The following SMAD2 variants were observed in gnomAD, a reference collection of about 807,000 sequenced individuals.
SMAD2 encodes the protein MAD homolog 2.
A neutral mutation model predicts 64.4 loss-of-function variants in SMAD2; 8 were observed. That is an observed-to-expected ratio of 0.12 (90% CI 0.07 to 0.22). SMAD2 has a LOEUF of 0.22. Ranked by LOEUF, SMAD2 falls within the 10% of genes least tolerant of loss-of-function variation. The pLI, the probability that SMAD2 is intolerant of heterozygous loss-of-function variation, is 1.00. For synonymous variants in SMAD2, 203 were observed against 195.8 expected, an observed-to-expected ratio of 1.04 and a Z score of -0.31; for missense variants, 289 against 561.2, an observed-to-expected ratio of 0.51 and a Z score of 4.90.
At chr18:47,849,834 C>T (rs1390408209) in intron 7 of SMAD2, among the ~76,000 whole-genome samples, 3 of 151,550 alleles carry the variant, frequency 2.0e-5, no homozygotes, top group Non-Finnish European at 4.4e-5. Flanking sequence ...ATAGTGAAAC[C>T]CCATCTCTAC....
At position 47,896,712 on chromosome 18, in the gene SMAD2, C is replaced by T. The variant is rs1056997874; in HGVS notation, c.45G>A (p.Leu15=). 2 of 1,614,094 alleles carry T rather than the reference C, an allele frequency of 1.2e-6. No individual in the cohort carries two copies. Among genetic ancestry groups the T allele is most frequent in the Non-Finnish European group, 1.7e-6 (2 of 1,180,008 alleles). Residue 15 remains leucine (L), a synonymous_variant, in exon 2 of 11, where the codon CTG becomes CTA. Coordinates refer to ENST00000262160, the MANE Select transcript of SMAD2 (RefSeq NM_005901.6). Reference sequence around the variant, plus strand: ...CACCAGCTGACTTCTTCCATCCCAGCAGTCTCTTCACAACTGGCGGCGTGA... The same window carrying T: ...CACCAGCTGACTTCTTCCATCCCAGTAGTCTCTTCACAACTGGCGGCGTGA... The part of the protein sequence containing the change: ...LPFTPPVVKR[L]LGWKKSAGGS...
rs1912711617 is a variant in SMAD2, at chr18:47,825,298, G to A, written c.*16529C>T. ...ATGAGATTTTATCTTCATTGTGGTGGTGTTGAGAGCTGGGGCCTAGTGGGA... is the reference window on the plus strand; with the variant it reads ...ATGAGATTTTATCTTCATTGTGGTGATGTTGAGAGCTGGGGCCTAGTGGGA... On this transcript the variant is annotated 3_prime_UTR_variant, in exon 11 of 11. Coordinates refer to ENST00000262160, the MANE Select transcript of SMAD2 (RefSeq NM_005901.6). 6.6e-6 allele frequency: 1 copy of A among 152,236 alleles called. No individual in the cohort carries two copies. Among genetic ancestry groups the A allele is most frequent in the East Asian group, 1.9e-4 (1 of 5,198 alleles). 9.4% of individuals were successfully genotyped at this position (152,236 alleles called of 1,614,324 possible). A position where few individuals can be genotyped will look rare whatever the true frequency, so the allele number is the denominator to read the frequency against.
rs1913087404 is a variant in SMAD2 at position 47,833,231 on chromosome 18, T to C, written c.*8596A>G. The C allele has an allele frequency of 4.7e-6, 1 of 211,076 alleles. No homozygotes were observed. Among genetic ancestry groups the C allele is most frequent in the East Asian group, 7.1e-5 (1 of 14,088 alleles). 13.1% of individuals were successfully genotyped at this position (211,076 alleles called of 1,614,324 possible). On this transcript the variant is annotated 3_prime_UTR_variant, in exon 11 of 11. Transcript: ENST00000262160. ...AGCACATACAGATGATGCACACAAA[T>C]ATATATAAAAATTGACCAGAAATCA...
At position 47,830,665 on chromosome 18, in the gene SMAD2, A is replaced by G. The variant is rs1161256001; in HGVS notation, c.*11162T>C. On this transcript the variant is annotated 3_prime_UTR_variant, in exon 11 of 11. Transcript: ENST00000262160. The stretch of plus-strand genomic sequence containing the variant: ...GAAGTGAGTCATCATTTGTATTAAA[A>G]TCTTATTTACATGGTACTTATGTAG... 6.6e-6 allele frequency: 1 copy of G among 152,440 alleles called. No homozygotes were observed. The highest frequency in any genetic ancestry group is 1.5e-5 in the Non-Finnish European group (1 of 68,202). 9.4% of individuals were successfully genotyped at this position (152,440 alleles called of 1,614,324 possible).
chr18:47,924,450 C>G (rs141748599), intron 1 of SMAD2, among the ~76,000 whole-genome samples: 1 of 151,492 alleles, frequency 6.6e-6, no homozygotes, highest in Non-Finnish European at 1.5e-5. Flanking sequence ...TTTGCCACCC[C>G]ACATTTTCTT....
At chr18:47,858,045 G>T (rs1312963507) in intron 6 of SMAD2, among the ~76,000 whole-genome samples, 1 of 152,102 alleles carries the variant, frequency 6.6e-6, no homozygotes, top group Non-Finnish European at 1.5e-5. Context: ...GGCAAATAGA[G>T]AAAAGAGTTG....
At chr18:47,922,399 CTG>C (rs1216727401) in intron 1 of SMAD2, 1 of 152,174 alleles carries the variant, frequency 6.6e-6, no homozygotes, top group East Asian at 1.9e-4. Flanking sequence ...CAGGAAAAAA[CTG>C]TGACTGTACT....
intron 1 of SMAD2, among the ~76,000 whole-genome samples, chr18:47,924,467 C>CTT (rs935951805): frequency 0.017 from 2,385 of 143,132 alleles, 57 homozygotes; most frequent in African/African-American, 0.057. Flanking sequence ...TCTTTTTTTT[C>CTT]TTTTTTTTTT....
rs560761372 is a variant in SMAD2 at position 47,844,222 on chromosome 18, C to G, written c.1280+1118G>C. Among the ~76,000 whole-genome samples, 36 of 152,212 alleles carry G rather than the reference C, an allele frequency of 2.4e-4. No homozygotes were observed. The South Asian group carries it at 7.3e-3, about 31-fold the overall frequency. ...TATACCATATATTTTTAAATGTATTCAACAAGTAGACCTCACATTGCACAA... is the reference window on the plus strand; with the variant it reads ...TATACCATATATTTTTAAATGTATTGAACAAGTAGACCTCACATTGCACAA... On this transcript the variant is annotated intron_variant, in intron 10 of 10. Transcript: ENST00000262160.
intron 2 of SMAD2, among the ~76,000 whole-genome samples, chr18:47,876,202 A>G (rs533448774): frequency 3.3e-5 from 5 of 152,188 alleles, no homozygotes; most frequent in Admixed American, 2.6e-4. Context: ...AACATTTCCT[A>G]AATTTATTTG....
chr18:47,886,960 G>A (rs1170100848), intron 2 of SMAD2: 1 of 152,592 alleles, frequency 6.6e-6, no homozygotes, highest in Non-Finnish European at 1.5e-5. Context: ...TGTTAAAATG[G>A]CATGTATTTC....
chr18:47,870,161 C>T (rs113169600), intron 3 of SMAD2, among the ~76,000 whole-genome samples: 157 of 152,126 alleles, frequency 1.0e-3, no homozygotes, highest in Non-Finnish European at 1.5e-3. Context: ...CATGTATCTA[C>T]TTAAAAATTA....
At chr18:47,885,146 C>T (rs867910491) in intron 2 of SMAD2, among the ~76,000 whole-genome samples, 3,284 of 128,232 alleles carry the variant, frequency 0.026, 127 homozygotes, top group African/African-American at 0.09. Context: ...CACACACACA[C>T]ACACACACAC....
Position 47,828,323 on chromosome 18 carries a change from C to G in SMAD2, c.*13504G>C, listed in dbSNP as rs1385895450. On this transcript the variant is annotated 3_prime_UTR_variant, in exon 11 of 11. Coordinates refer to ENST00000262160, the MANE Select transcript of SMAD2 (RefSeq NM_005901.6). ...CCCCGTTCGGGAGGTGGGGGGCAGC[C>G]CCCGGCCAGCATCCACCCCGTCCGG... The G allele has an allele frequency of 6.5e-6, 1 of 153,354 alleles. No homozygotes were observed. Among genetic ancestry groups the G allele is most frequent in the Non-Finnish European group, 1.4e-5 (1 of 70,182 alleles). 9.5% of individuals were successfully genotyped at this position (153,354 alleles called of 1,614,324 possible). A position where few individuals can be genotyped will look rare whatever the true frequency, so the allele number is the denominator to read the frequency against.
Position 47,841,732 on chromosome 18 carries a change from T to G in SMAD2, c.*95A>C. On this transcript the variant is annotated 3_prime_UTR_variant, in exon 11 of 11. Coordinates refer to ENST00000262160, the MANE Select transcript of SMAD2 (RefSeq NM_005901.6). ...TCAAGTGCTGTTTTCTCTCTTGAAC[T>G]TTTGGATAGTAAACAGTCCATAGGG... 6.8e-7 allele frequency: 1 copy of G among 1,465,336 alleles called. No individual in the cohort carries two copies. Among genetic ancestry groups the G allele is most frequent in the Non-Finnish European group, 9.5e-7 (1 of 1,050,014 alleles). The allele number at this position is 1,465,336 out of a possible 1,614,324, so 90.8% of individuals were successfully genotyped here.
At chr18:47,850,677 TA>T in intron 7 of SMAD2, among the ~76,000 whole-genome samples, 1 of 38,826 alleles carries the variant, frequency 2.6e-5, no homozygotes, top group Non-Finnish European at 4.3e-5. Context: ...ATATATATAT[TA>T]TATATATAAT....
In SMAD2 at chr18:47,826,786, T is replaced by G. The variant is rs1912771015; in HGVS notation, c.*15041A>C. 1 of 152,196 alleles carries G rather than the reference T, an allele frequency of 6.6e-6. No homozygotes were observed. Among genetic ancestry groups the G allele is most frequent in the African/African-American group, 2.4e-5 (1 of 41,450 alleles). 9.4% of individuals were successfully genotyped at this position (152,196 alleles called of 1,614,324 possible). A position where few individuals can be genotyped will look rare whatever the true frequency, so the allele number is the denominator to read the frequency against. The stretch of plus-strand genomic sequence containing the variant: ...TTTACAAACTTTCTTAGAGAAAGAT[T>G]TGTTATTAGCAAAGACCTTCAGAGT... On this transcript the variant is annotated 3_prime_UTR_variant, in exon 11 of 11. Transcript: ENST00000262160.
At chr18:47,849,296 G>C (rs1914848255) in intron 7 of SMAD2, among the ~76,000 whole-genome samples, 2 of 151,914 alleles carry the variant, frequency 1.3e-5, no homozygotes, top group Admixed American at 6.6e-5. Context: ...AGAGTCAAAA[G>C]ACTACTTATT....
At chr18:47,924,709 C>A (rs946100597) in intron 1 of SMAD2, among the ~76,000 whole-genome samples, 1 of 152,100 alleles carries the variant, frequency 6.6e-6, no homozygotes, top group Non-Finnish European at 1.5e-5. Flanking sequence ...GTGATCCGCC[C>A]GCCTCAGCCT....
Sources: gnomAD v4.1 joint callset for allele counts (sites outside exome capture counted in the v4.1 genomes callset) on GRCh38, gnomAD v4.1.1 for gene constraint, MANE v1.5 for transcripts, NCBI Gene and HGNC (gene_info 2026-07-23, HGNC 2026-07-21) for gene names.